PARD3: variants seen among roughly 807,000 people sequenced by gnomAD.
The protein encoded by PARD3 is par-3 family cell polarity regulator, also known as partitioning defective 3 homolog.
In PARD3, 75 loss-of-function variants were observed where a neutral mutation model predicts 155.4. The ratio of observed to expected loss-of-function variants is 0.48; its 90% confidence interval spans 0.40 to 0.58. The LOEUF is 0.58. Ranked by LOEUF, PARD3 falls within the 20% of genes least tolerant of loss-of-function variation. PARD3 has a pLI of 0.00. For synonymous variants in PARD3, 576 were observed against 610.5 expected (o/e 0.94, Z 0.83); for missense variants, 1,642 against 1,721.7 (o/e 0.95, Z 0.82).
chr10:34,658,984 AG>A (rs2093255020), intron 2 of PARD3, among the ~76,000 whole-genome samples: 1 of 152,220 alleles, frequency 6.6e-6, no homozygotes, highest in Non-Finnish European at 1.5e-5. Context: ...TTATTTTCAA[AG>A]TGTTTTAGTT....
rs1299726498 is a variant in PARD3, at chr10:34,458,181, AT to A, written c.583-7734del. Among the ~76,000 whole-genome samples, 13 of 152,122 alleles carry A rather than the reference AT, an allele frequency of 8.5e-5. No individual in the cohort carries two copies. The South Asian group carries it at 2.7e-3, about 32-fold the overall frequency. ...ATTGTCTCATTTCATTCTTAAAATA[AT>A]TTTTTAATTTTGTTTTAATTTTTTA... On this transcript the variant is annotated intron_variant, in intron 4 of 24. Transcript: ENST00000374788.
intron 2 of PARD3, among the ~76,000 whole-genome samples, chr10:34,667,151 T>A (rs1339089235): frequency 4.6e-5 from 7 of 151,946 alleles, no homozygotes; most frequent in African/African-American, 1.5e-4. Context: ...CTGGCCAACA[T>A]AGAACAGGTA....
At chr10:34,763,003 G>C (rs1837645361) in intron 1 of PARD3, among the ~76,000 whole-genome samples, 1 of 152,186 alleles carries the variant, frequency 6.6e-6, no homozygotes. Context: ...GGCACTGAGG[G>C]ACAGATTCTA....
intron 14 of PARD3, among the ~76,000 whole-genome samples, chr10:34,350,332 T>G (rs1837915948): frequency 6.6e-6 from 1 of 152,160 alleles, no homozygotes; most frequent in South Asian, 2.1e-4. Flanking sequence ...TGCAGGCTCC[T>G]TATATTAAAA....
rs1951311268 is a variant in PARD3 at position 34,203,371 on chromosome 10, C to T, written c.3419+66286G>A. Among the ~76,000 whole-genome samples, 8 of 152,318 alleles carry T rather than the reference C, an allele frequency of 5.3e-5. No homozygotes were observed. In the South Asian group the frequency reaches 1.7e-3, roughly 32 times the overall value. ...GGTTAGGAAAGCTCCCACTGACTCC[C>T]AGCCTTCTGCATTCATCTGCAAAGC... is the stretch of plus-strand genomic sequence containing the variant. On this transcript the variant is annotated intron_variant, in intron 22 of 24. Transcript: ENST00000374788.
intron 22 of PARD3, among the ~76,000 whole-genome samples, chr10:34,203,068 AGCT>A (rs3039271): frequency 0.055 from 8,321 of 152,120 alleles, 761 homozygotes; most frequent in African/African-American, 0.19. Context: ...CCCCACTGCC[AGCT>A]GCAGCCCCAT....
In PARD3 at chr10:34,525,063, T is replaced by C. The variant is rs141495415; in HGVS notation, c.223-7904A>G. Among the ~76,000 whole-genome samples, 357 of 152,340 alleles carry C rather than the reference T, an allele frequency of 2.3e-3. 1 individual carries two copies. The highest frequency in any genetic ancestry group is 8.3e-3 in the African/African-American group (347 of 41,578). On this transcript the variant is annotated intron_variant, in intron 2 of 24. Transcript: ENST00000374788. ...ATTCTCTGAGCCTTACTTGCTAGCA[T>C]GGTTCATTAAAAACTCATTTAAATA...
At chr10:34,318,576 C>T (rs1958162591) in intron 19 of PARD3, among the ~76,000 whole-genome samples, 1 of 152,118 alleles carries the variant, frequency 6.6e-6, no homozygotes, top group Non-Finnish European at 1.5e-5. Flanking sequence ...TAGCAATACA[C>T]AATTATCGTG....
At chr10:34,145,884 CA>C (rs1948482113) in intron 22 of PARD3, among the ~76,000 whole-genome samples, 1 of 152,080 alleles carries the variant, frequency 6.6e-6, no homozygotes, top group Non-Finnish European at 1.5e-5. Context: ...CTGTGTGCTT[CA>C]GGGGGGTTTA....
chr10:34,361,173 C>G (rs117203475), intron 12 of PARD3, among the ~76,000 whole-genome samples: 7,815 of 152,258 alleles, frequency 0.051, 236 homozygotes, highest in Admixed American at 0.085. Context: ...TGGTCATGTC[C>G]AAATCAGTAA....
At chr10:34,209,104 A>T (rs1220281821) in intron 22 of PARD3, among the ~76,000 whole-genome samples, 1 of 152,224 alleles carries the variant, frequency 6.6e-6, no homozygotes, top group Non-Finnish European at 1.5e-5. Context: ...AACTTTAACT[A>T]GAGGGAAAAA....
intron 5 of PARD3, among the ~76,000 whole-genome samples, chr10:34,449,080 G>A (rs1474612185): frequency 1.0e-5 from 1 of 100,118 alleles, no homozygotes; most frequent in Non-Finnish European, 1.7e-5. Context: ...CACCACGCCC[G>A]GCTATTTTTT....
intron 7 of PARD3, 96 bp from the exon 8 acceptor site, chr10:34,384,350 T>C (rs1779150927): frequency 6.0e-6 from 7 of 1,166,436 alleles, no homozygotes; most frequent in Non-Finnish European, 8.4e-6. Context: ...TACAAAGATG[T>C]CCTTACAAAG....
chr10:34,157,701 G>A (rs1379066063), intron 22 of PARD3, among the ~76,000 whole-genome samples: 3 of 152,108 alleles, frequency 2.0e-5, no homozygotes, highest in Admixed American at 1.3e-4. Flanking sequence ...ACCATCATCT[G>A]CTTCCTATAG....
At chr10:34,169,821 T>C (rs895867047) in intron 22 of PARD3, among the ~76,000 whole-genome samples, 2 of 152,216 alleles carry the variant, frequency 1.3e-5, no homozygotes, top group South Asian at 2.1e-4. Flanking sequence ...TGGATACCTC[T>C]GCCTGGGGTT....
chr10:34,633,662 T>C (rs758442847), intron 2 of PARD3, among the ~76,000 whole-genome samples: 2 of 152,232 alleles, frequency 1.3e-5, no homozygotes, highest in Non-Finnish European at 2.9e-5. Flanking sequence ...CTCTTCGACA[T>C]ATTGATTTCA....
intron 2 of PARD3, chr10:34,664,084 T>C (rs2133175669): frequency 6.6e-6 from 1 of 152,402 alleles, no homozygotes; most frequent in South Asian, 2.1e-4. Flanking sequence ...TCCCTAAGGA[T>C]GACACTCCCT....
chr10:34,641,873 G>A (rs373213005), intron 2 of PARD3, among the ~76,000 whole-genome samples: 1 of 152,160 alleles, frequency 6.6e-6, no homozygotes, highest in South Asian at 2.1e-4. Flanking sequence ...AGAAGGGAGC[G>A]TGGAGGAGGG....
At chr10:34,440,482 G>C (rs1487238288) in intron 5 of PARD3, among the ~76,000 whole-genome samples, 1 of 152,144 alleles carries the variant, frequency 6.6e-6, no homozygotes, top group Non-Finnish European at 1.5e-5. Context: ...GGCACCTGAA[G>C]GTCAAAGTTA....
Sources: allele counts gnomAD v4.1 joint callset (sites outside exome capture counted in the v4.1 genomes callset), GRCh38; gene constraint gnomAD v4.1.1; transcripts MANE v1.5; gene names NCBI Gene and HGNC (gene_info 2026-07-23, HGNC 2026-07-21).